The following NPAS3 variants were observed in gnomAD, a reference collection of about 807,000 sequenced individuals.
NPAS3 encodes the protein neuronal PAS domain protein 3, also known as neuronal PAS domain-containing protein 3.
NPAS3 carries 14 observed loss-of-function variants against 73.1 expected under a neutral mutation model. That is an observed-to-expected ratio of 0.19 (90% CI 0.13 to 0.30). The LOEUF is 0.30. Ranked by LOEUF, NPAS3 falls within the 10% of genes least tolerant of loss-of-function variation. The pLI is 1.00. For missense variants in NPAS3, 1,096 were observed against 1,250.0 expected, an observed-to-expected ratio of 0.88 and a Z score of 1.86; for synonymous variants, 620 against 541.5, an observed-to-expected ratio of 1.14 and a Z score of -2.01.
At chr14:33,594,322 A>C (rs1355484521) in intron 5 of NPAS3, among the ~76,000 whole-genome samples, 1 of 152,078 alleles carries the variant, frequency 6.6e-6, no homozygotes, top group African/African-American at 2.4e-5. Flanking sequence ...TTTTTCCCCA[A>C]ATATTTTCGA....
intron 1 of NPAS3, among the ~76,000 whole-genome samples, chr14:33,052,441 A>G (rs1402648160): frequency 6.6e-6 from 1 of 152,204 alleles, no homozygotes; most frequent in African/African-American, 2.4e-5. Flanking sequence ...CCAAGTCCAA[A>G]GGTAAATATT....
At chr14:33,687,571 G>A (rs1265085715) in intron 6 of NPAS3, among the ~76,000 whole-genome samples, 1 of 152,142 alleles carries the variant, frequency 6.6e-6, no homozygotes, top group African/African-American at 2.4e-5. Context: ...TTGATTGCCC[G>A]CATTACTGTT....
At chr14:33,641,283 A>G (rs1247262027) in intron 5 of NPAS3, among the ~76,000 whole-genome samples, 2 of 152,228 alleles carry the variant, frequency 1.3e-5, no homozygotes, top group African/African-American at 4.8e-5. Context: ...ATGATTTCTA[A>G]GAATGCAGAT....
chr14:33,604,161 G>A (rs904662120), intron 5 of NPAS3, among the ~76,000 whole-genome samples: 10 of 151,990 alleles, frequency 6.6e-5, no homozygotes, highest in East Asian at 5.8e-4. Flanking sequence ...AAACCTGATC[G>A]TATAAATAAT....
intron 4 of NPAS3, among the ~76,000 whole-genome samples, chr14:33,379,858 A>G (rs1329722044): frequency 1.3e-5 from 2 of 152,158 alleles, no homozygotes; most frequent in South Asian, 4.1e-4. Flanking sequence ...TCTAAATACA[A>G]TAAGAGCCAA....
intron 5 of NPAS3, among the ~76,000 whole-genome samples, chr14:33,661,125 A>C (rs1274763685): frequency 6.6e-6 from 1 of 151,942 alleles, no homozygotes; most frequent in Non-Finnish European, 1.5e-5. Flanking sequence ...GACAGCCGGC[A>C]AACTGTCTAT....
chr14:33,392,621 T>C (rs1040929872), intron 4 of NPAS3, among the ~76,000 whole-genome samples: 2 of 152,178 alleles, frequency 1.3e-5, no homozygotes, highest in African/African-American at 2.4e-5. Context: ...TTCTTTTGTG[T>C]TCAGTTATGA....
At chr14:33,029,226 G>T (rs1007562825) in intron 1 of NPAS3, among the ~76,000 whole-genome samples, 3 of 152,120 alleles carry the variant, frequency 2.0e-5, no homozygotes, top group Non-Finnish European at 4.4e-5. Context: ...GTGAAGTGAC[G>T]GACGCTTTCT....
rs1208567026 is a variant in NPAS3, at chr14:33,749,970, TC to T, written c.852+14639del. 1.3e-5 allele frequency among the ~76,000 whole-genome samples: 2 copies of T among 152,168 alleles called. 1 individual carries two copies. Among genetic ancestry groups the T allele is most frequent in the Admixed American group, 1.3e-4 (2 of 15,278 alleles). ...AGGAAACACTTTGGCCCCCAAAGAA[TC>T]TTTTCTCTCTTGGATTCATAAATCA... On this transcript the variant is annotated intron_variant, in intron 7 of 11. Coordinates refer to ENST00000356141, the Ensembl canonical transcript of NPAS3.
chr14:33,238,926 G>A (rs974628095), intron 3 of NPAS3, among the ~76,000 whole-genome samples: 1 of 151,938 alleles, frequency 6.6e-6, no homozygotes, highest in African/African-American at 2.4e-5. Flanking sequence ...CTCCACTTCT[G>A]CAAGTATACA....
intron 2 of NPAS3, among the ~76,000 whole-genome samples, chr14:33,070,747 G>GT (rs1231818668): frequency 1.2e-4 from 19 of 152,200 alleles, no homozygotes; most frequent in African/African-American, 4.3e-4. Context: ...TGCTGGACTA[G>GT]TTACAACTAT....
intron 2 of NPAS3, among the ~76,000 whole-genome samples, chr14:33,120,203 C>A (rs1477796292): frequency 6.6e-6 from 1 of 152,128 alleles, no homozygotes; most frequent in Non-Finnish European, 1.5e-5. Flanking sequence ...TCATGATCCA[C>A]TCACCTTGGC....
intron 3 of NPAS3, among the ~76,000 whole-genome samples, chr14:33,286,599 C>G (rs1023903612): frequency 7.9e-5 from 12 of 152,116 alleles, no homozygotes; most frequent in African/African-American, 2.9e-4. Flanking sequence ...ATTCTGCCAT[C>G]TCCTCTCTAG....
intron 3 of NPAS3, among the ~76,000 whole-genome samples, chr14:33,237,021 T>C (rs182320075): frequency 2.0e-5 from 3 of 152,254 alleles, no homozygotes; most frequent in African/African-American, 7.2e-5. Context: ...TTTTTGTTTA[T>C]GTTTTCAGTG....
At chr14:33,194,774 C>G (rs1299586182) in intron 2 of NPAS3, among the ~76,000 whole-genome samples, 2 of 152,106 alleles carry the variant, frequency 1.3e-5, no homozygotes, top group African/African-American at 4.8e-5. Flanking sequence ...GATGGTCATG[C>G]CACTACTTTG....
intron 2 of NPAS3, among the ~76,000 whole-genome samples, chr14:33,125,332 G>A (rs980271074): frequency 2.0e-5 from 3 of 152,064 alleles, no homozygotes; most frequent in Non-Finnish European, 4.4e-5. Context: ...AGAAAAGAGT[G>A]AAATTTATCT....
chr14:33,476,926 A>T (rs1252883159), intron 4 of NPAS3, among the ~76,000 whole-genome samples: 1 of 152,220 alleles, frequency 6.6e-6, no homozygotes, highest in Non-Finnish European at 1.5e-5. Flanking sequence ...TAAAATGCCC[A>T]TGATTTCAAA....
intron 1 of NPAS3, among the ~76,000 whole-genome samples, chr14:33,044,278 C>T (rs1043647647): frequency 6.6e-6 from 1 of 152,092 alleles, no homozygotes; most frequent in Admixed American, 6.5e-5. Flanking sequence ...TCATTTTTGT[C>T]ATTTCTTTTC....
chr14:33,613,483 G>A (rs1332616873), intron 5 of NPAS3, among the ~76,000 whole-genome samples: 7 of 152,038 alleles, frequency 4.6e-5, no homozygotes, highest in African/African-American at 1.4e-4. Context: ...TTCTCACACT[G>A]GACAATTTGC....
Sources: allele counts gnomAD v4.1 joint callset (sites outside exome capture counted in the v4.1 genomes callset), GRCh38; gene constraint gnomAD v4.1.1; transcripts MANE v1.5; gene names NCBI Gene and HGNC (gene_info 2026-07-23, HGNC 2026-07-21).